The following CRAMP1 variants were observed in gnomAD, a reference collection of about 807,000 sequenced individuals.
CRAMP1 encodes cramped chromatin regulator 1, also known as protein cramped-like.
CRAMP1 carries 50 observed loss-of-function variants against 115.4 expected under a neutral mutation model. The ratio of observed to expected loss-of-function variants is 0.43; its 90% CI spans 0.35 to 0.55. The LOEUF (loss-of-function observed/expected upper bound fraction) is 0.55, where lower values mean the gene tolerates loss of function less well. CRAMP1 is among the 20% of genes least tolerant of loss of function. The pLI is 0.01. For synonymous variants in CRAMP1, 866 were observed against 745.4 expected, an observed-to-expected ratio of 1.16 and a Z score of -2.64; for missense variants, 1,679 against 1,721.7, an observed-to-expected ratio of 0.98 and a Z score of 0.44.
At chr16:1,645,524 G>A (rs1278171639) in intron 6 of CRAMP1, 4 of 160,388 alleles carry the variant, frequency 2.5e-5, no homozygotes, top group Middle Eastern at 5.1e-4. Flanking sequence ...AGGTTTCCTT[G>A]ACCCTTCTTC....
chr16:1,659,417 A>G (rs2036804239), intron 10 of CRAMP1, among the ~76,000 whole-genome samples: 1 of 151,312 alleles, frequency 6.6e-6, no homozygotes, highest in Non-Finnish European at 1.5e-5. Context: ...TTGAGACGGA[A>G]TCTTGCTCTG....
At chr16:1,673,059 G>A (rs2036935050) in intron 20 of CRAMP1, among the ~76,000 whole-genome samples, 1 of 151,696 alleles carries the variant, frequency 6.6e-6, no homozygotes, top group Admixed American at 6.6e-5. Flanking sequence ...GGATTCTGAC[G>A]GGATCGTGCC....
chr16:1,667,857 C>T (rs1046297906), intron 17 of CRAMP1, 105 bp from the exon 18 acceptor site: 3 of 700,144 alleles, frequency 4.3e-6, no homozygotes, highest in African/African-American at 3.6e-5. Context: ...GCGCTCATCA[C>T]CCTATTGATT....
chr16:1,612,809 C>T (rs1412635953), intron 1 of CRAMP1, among the ~76,000 whole-genome samples, 152 bp downstream of exon 1: 1 of 152,132 alleles, frequency 6.6e-6, no homozygotes, highest in Non-Finnish European at 1.5e-5. Flanking sequence ...GCGTCCCCAT[C>T]CCGAGACGCG....
intron 10 of CRAMP1, among the ~76,000 whole-genome samples, chr16:1,658,464 T>C (rs752007495): frequency 1.3e-5 from 2 of 152,108 alleles, no homozygotes; most frequent in Non-Finnish European, 2.9e-5. Flanking sequence ...GCAGCAGTTC[T>C]GGGACACAGA....
chr16:1,624,567 C>T (rs1252039821), intron 2 of CRAMP1, among the ~76,000 whole-genome samples: 1 of 151,076 alleles, frequency 6.6e-6, no homozygotes, highest in Non-Finnish European at 1.5e-5. Context: ...TACAGGCGTG[C>T]ACCACCACAC....
At position 1,626,019 on chromosome 16, in the gene CRAMP1, C is replaced by T. The variant is rs2036505427; in HGVS notation, c.393C>T (p.Ala131=). The change falls in exon 3 of 21, where the codon GCC becomes GCT. Residue 131 remains alanine, a synonymous_variant. Transcript: ENST00000397412. ...CGTCTGGAAATGTGTCTGGGGTTGCCCCTGCTGCCCCTGCAGGGGGCTCGC... is the reference window on the plus strand; with the variant it reads ...CGTCTGGAAATGTGTCTGGGGTTGCTCCTGCTGCCCCTGCAGGGGGCTCGC... ...GSSSGNVSGV[A]PAAPAGGSRS... 6.4e-7 allele frequency: 1 copy of T among 1,551,682 alleles called. No homozygotes were observed. The highest frequency in any genetic ancestry group is 8.7e-7 in the Non-Finnish European group (1 of 1,146,978).
At chr16:1,630,777 TGTTG>T (rs555454252) in intron 3 of CRAMP1, among the ~76,000 whole-genome samples, 100 of 152,316 alleles carry the variant, frequency 6.6e-4, no homozygotes, top group Non-Finnish European at 1.1e-3. Flanking sequence ...ACTCACAGCA[TGTTG>T]GTTTGTAGAA....
At position 1,667,966 on chromosome 16, in the gene CRAMP1, C is replaced by T. The variant is rs1406193372; in HGVS notation, c.3107C>T (p.Ser1036Leu). 1.4e-5 allele frequency: 22 copies of T among 1,603,462 alleles called. No individual in the cohort carries two copies. The highest frequency in any genetic ancestry group is 2.2e-5 in the East Asian group (1 of 44,604). The change falls in exon 18 of 21, where the codon TCA becomes TTA. Residue 1036 changes from serine (S) to leucine (L), a missense_variant. Physicochemically the swap from Ser to Leu is moderately radical, Grantham distance 145 (BLOSUM62 -2). This residue lies in a region of CRAMP1 where 709 missense variants were observed against 741.9 expected (regional missense o/e 0.96). Coordinates refer to ENST00000397412, the MANE Select transcript of CRAMP1 (RefSeq NM_020825.4). Reference protein sequence around the residue: ...QEPVADSFQGSSVLSLSELPK... With the variant: ...QEPVADSFQGLSVLSLSELPK... Reference sequence around the variant, plus strand: ...AAAATACCTGTCTCCCAGCAGGGCTCATCTGTTCTCTCCTTATCTGAGCTG... The same window carrying T: ...AAAATACCTGTCTCCCAGCAGGGCTTATCTGTTCTCTCCTTATCTGAGCTG...
intron 9 of CRAMP1, among the ~76,000 whole-genome samples, 185 bp downstream of exon 9, chr16:1,655,485 G>T (rs766126689): frequency 6.6e-6 from 1 of 152,190 alleles, no homozygotes; most frequent in Non-Finnish European, 1.5e-5. Context: ...AGCCCCCTCT[G>T]TGGCCTTGCA....
In CRAMP1 at chr16:1,667,360, C is replaced by T; in HGVS notation, c.3062C>T (p.Pro1021Leu). 6.2e-7 allele frequency: 1 copy of T among 1,613,274 alleles called. No homozygotes were observed. The highest frequency in any genetic ancestry group is 8.5e-7 in the Non-Finnish European group (1 of 1,179,830). ...GGCTCCGACCCATTTGTCAGCATCC[C>T]TTCGAGGCCTGAGCAGGAGCCAGTG... is the stretch of plus-strand genomic sequence containing the variant. ...VGGSDPFVSI[P>L]SRPEQEPVAD... The change falls in exon 17 of 21, where the codon CCT becomes CTT. Residue 1021 changes from proline (P) to leucine (L), a missense_variant. Transcript: ENST00000397412.
At chr16:1,623,774 C>T (rs143411513) in intron 2 of CRAMP1, among the ~76,000 whole-genome samples, 1 of 152,240 alleles carries the variant, frequency 6.6e-6, no homozygotes, top group Non-Finnish European at 1.5e-5. Flanking sequence ...GCATCTGTAC[C>T]TGTCCATCAT....
rs1219477919 is a variant in CRAMP1 at position 1,626,902 on chromosome 16, A to G, written c.540+736A>G. Among the ~76,000 whole-genome samples the G allele has an allele frequency of 3.9e-5, 6 of 152,020 alleles. 1 individual carries two copies. The East Asian group carries it at 1.2e-3, about 29-fold the overall frequency. On this transcript the variant is annotated intron_variant, in intron 3 of 20. Coordinates refer to ENST00000397412, the MANE Select transcript of CRAMP1 (RefSeq NM_020825.4). ...GCACAGCCATGGCCAGGGTCGATGT[A>G]CTGTCTGCGGCTGATGCCACTGCAG...
intron 20 of CRAMP1, 67 bp downstream of exon 20, chr16:1,670,876 C>A: frequency 1.3e-6 from 2 of 1,482,968 alleles, no homozygotes; most frequent in South Asian, 1.2e-5. Flanking sequence ...CCAGCACTCT[C>A]CTGCACACCT....
In CRAMP1 at chr16:1,656,164, G is replaced by T; in HGVS notation, c.1407G>T (p.Glu469Asp). The T allele has an allele frequency of 6.2e-7, 1 of 1,606,268 alleles. No individual in the cohort carries two copies. Among genetic ancestry groups the T allele is most frequent in the Non-Finnish European group, 8.5e-7 (1 of 1,177,158 alleles). ...GQVKCPRSGA[E>D]GKGVGRPPPA... ...TGAAATGCCCGCGGAGCGGAGCTGAGGGCAAGGGTGTGGGGCGGCCCCCTC... is the reference window on the plus strand; with the variant it reads ...TGAAATGCCCGCGGAGCGGAGCTGATGGCAAGGGTGTGGGGCGGCCCCCTC... The change falls in exon 10 of 21, where the codon GAG (glutamate) becomes GAT (aspartate). Residue 469 changes from glutamate (E) to aspartate (D), a missense_variant. Transcript: ENST00000397412. This position sits in a 1 kb window ranked among gnomAD's most constrained non-coding sequence, Gnocchi z 5.6.
intron 4 of CRAMP1, among the ~76,000 whole-genome samples, chr16:1,633,841 G>A (rs1338068482): frequency 6.6e-6 from 1 of 152,104 alleles, no homozygotes; most frequent in Non-Finnish European, 1.5e-5. Context: ...AGGCAGAGGC[G>A]GGCGGATCAC....
At chr16:1,663,149 G>A (rs2036847149) in intron 13 of CRAMP1, among the ~76,000 whole-genome samples, 1 of 152,202 alleles carries the variant, frequency 6.6e-6, no homozygotes, top group African/African-American at 2.4e-5. Flanking sequence ...TAGTCTGTGG[G>A]AGCAGTTGCC....
At chr16:1,673,103 G>T (rs567778433) in intron 20 of CRAMP1, among the ~76,000 whole-genome samples, 1 of 151,188 alleles carries the variant, frequency 6.6e-6, no homozygotes, top group Non-Finnish European at 1.5e-5. Flanking sequence ...ACGGGAACGT[G>T]CCCCCAGCTC....
At chr16:1,663,889 T>A (rs893641207) in intron 13 of CRAMP1, among the ~76,000 whole-genome samples, 23 of 152,356 alleles carry the variant, frequency 1.5e-4, no homozygotes, top group African/African-American at 5.5e-4. Context: ...TGATTATTCA[T>A]TTCTGTACTA....
Sources: gnomAD v4.1 joint callset for allele counts (sites outside exome capture counted in the v4.1 genomes callset) on GRCh38, gnomAD v4.1.1 for gene constraint, gnomAD v4.1.1 regional missense constraint, Gnocchi (gnomAD v3.1) non-coding constraint, MANE v1.5 for transcripts, NCBI Gene and HGNC (gene_info 2026-07-23, HGNC 2026-07-21) for gene names.